Variants in KDM4C observed in about 807,000 individuals in gnomAD.
The protein encoded by KDM4C is lysine-specific demethylase 4C.
KDM4C carries 81 observed loss-of-function variants against 129.3 expected under a neutral mutation model. The ratio of observed to expected loss-of-function variants is 0.63; its 90% CI spans 0.52 to 0.75. The LOEUF is 0.75. KDM4C is among the 30% of genes least tolerant of loss of function. The pLI, the probability that KDM4C is intolerant of heterozygous loss-of-function variation, is 0.00. For missense variants in KDM4C, 1,457 were observed against 1,304.0 expected, an observed-to-expected ratio of 1.12 and a Z score of -1.81; for synonymous variants, 573 against 456.1, an observed-to-expected ratio of 1.26 and a Z score of -3.26.
chr9:6,993,360 T>G (rs1819097130), intron 12 of KDM4C, among the ~76,000 whole-genome samples: 1 of 152,188 alleles, frequency 6.6e-6, no homozygotes, highest in African/African-American at 2.4e-5. Context: ...GAAATGTTTT[T>G]CAGTTGCATG....
chr9:6,959,176 G>A (rs1440879208), intron 8 of KDM4C, among the ~76,000 whole-genome samples: 4 of 152,146 alleles, frequency 2.6e-5, no homozygotes, highest in South Asian at 4.1e-4. Context: ...AAAGAAGTAG[G>A]TGAGAAGAGG....
chr9:7,168,243 AT>A (rs1236574274), intron 20 of KDM4C, among the ~76,000 whole-genome samples: 14 of 150,558 alleles, frequency 9.3e-5, no homozygotes, highest in South Asian at 2.1e-4. Context: ...CAAACTCTAG[AT>A]TTTTTTTTTA....
At chr9:6,728,569 G>A (rs528421371) in intron 1 of KDM4C, among the ~76,000 whole-genome samples, 33 of 151,870 alleles carry the variant, frequency 2.2e-4, no homozygotes, top group African/African-American at 7.5e-4. Context: ...ATTCTTGGCC[G>A]GGCTCAGTGG....
At chr9:6,738,762 CTTTTCA>C (rs1171257448) in intron 1 of KDM4C, among the ~76,000 whole-genome samples, 1 of 150,746 alleles carries the variant, frequency 6.6e-6, no homozygotes, top group African/African-American at 2.4e-5. Flanking sequence ...CTTTTCTTTT[CTTTTCA>C]TTTTTTTTTT....
intron 8 of KDM4C, among the ~76,000 whole-genome samples, chr9:6,954,539 A>G (rs1053076701): frequency 3.2e-4 from 49 of 152,188 alleles, no homozygotes; most frequent in African/African-American, 1.1e-3. Flanking sequence ...CTGGGGACCA[A>G]GGAGAGGCCT....
intron 4 of KDM4C, among the ~76,000 whole-genome samples, chr9:6,846,257 C>T (rs1837840791): frequency 6.6e-6 from 1 of 152,178 alleles, no homozygotes. Context: ...TAATCATTAC[C>T]ATCTACTTCT....
chr9:6,741,014 A>G (rs1042159906), intron 1 of KDM4C, among the ~76,000 whole-genome samples: 8 of 143,418 alleles, frequency 5.6e-5, no homozygotes, highest in Non-Finnish European at 9.2e-5. Flanking sequence ...TAGTAGAGAT[A>G]GGGTTTCACT....
chr9:7,101,756 C>T (rs1445910242), intron 17 of KDM4C, among the ~76,000 whole-genome samples: 1 of 152,164 alleles, frequency 6.6e-6, no homozygotes, highest in African/African-American at 2.4e-5. Flanking sequence ...AGCTAAGTCA[C>T]AACACTGTCC....
At chr9:6,736,855 C>T (rs796810297) in intron 1 of KDM4C, among the ~76,000 whole-genome samples, 29 of 151,858 alleles carry the variant, frequency 1.9e-4, no homozygotes, top group African/African-American at 6.3e-4. Flanking sequence ...GTTCAAGACC[C>T]GCCGGGCCAC....
intron 19 of KDM4C, among the ~76,000 whole-genome samples, chr9:7,146,121 A>G (rs1437147170): frequency 6.6e-6 from 1 of 152,246 alleles, no homozygotes; most frequent in Non-Finnish European, 1.5e-5. Context: ...TAATGATGCA[A>G]TATAATAAAT....
intron 17 of KDM4C, among the ~76,000 whole-genome samples, chr9:7,064,234 A>T (rs559968892): frequency 6.6e-6 from 1 of 152,356 alleles, no homozygotes; most frequent in East Asian, 1.9e-4. Flanking sequence ...TCAAAGACTT[A>T]GTATGAAAAA....
intron 12 of KDM4C, among the ~76,000 whole-genome samples, chr9:6,993,161 A>G (rs1819055605): frequency 6.6e-6 from 1 of 152,178 alleles, no homozygotes; most frequent in East Asian, 1.9e-4. Flanking sequence ...ACAGCAAAAC[A>G]TGAAAGTTGG....
At chr9:6,854,541 A>AAC (rs1839449213) in intron 5 of KDM4C, among the ~76,000 whole-genome samples, 1 of 145,710 alleles carries the variant, frequency 6.9e-6, no homozygotes, top group South Asian at 2.1e-4. Context: ...AAAAAAAAAA[A>AAC]AAAACAAAAA....
intron 17 of KDM4C, among the ~76,000 whole-genome samples, chr9:7,050,573 A>G (rs1830022582): frequency 6.6e-6 from 1 of 152,132 alleles, no homozygotes; most frequent in Non-Finnish European, 1.5e-5. Flanking sequence ...AAATATTAAC[A>G]AATGTTAACA....
intron 1 of KDM4C, among the ~76,000 whole-genome samples, chr9:6,727,832 C>CAA (rs1233365408): frequency 6.7e-6 from 1 of 149,476 alleles, no homozygotes; most frequent in Non-Finnish European, 1.5e-5. Context: ...ACTGAAATCT[C>CAA]AATGTTCTCA....
intron 5 of KDM4C, among the ~76,000 whole-genome samples, chr9:6,870,406 G>A (rs1842668404): frequency 6.6e-6 from 1 of 152,036 alleles, no homozygotes; most frequent in African/African-American, 2.4e-5. Context: ...GATAGGTCTG[G>A]GGTTAGGTGC....
At chr9:6,800,443 G>A (rs1374929684) in intron 2 of KDM4C, among the ~76,000 whole-genome samples, 14 of 151,822 alleles carry the variant, frequency 9.2e-5, no homozygotes, top group Admixed American at 9.2e-4. Context: ...GGAGGCTGAG[G>A]TGGGAGGATT....
intron 15 of KDM4C, among the ~76,000 whole-genome samples, chr9:7,023,047 G>GC (rs926543874): frequency 3.3e-5 from 5 of 152,120 alleles, no homozygotes; most frequent in African/African-American, 1.2e-4. Flanking sequence ...AATTTGGTTT[G>GC]CTAGTATTTT....
At chr9:6,757,791 G>A, upstream of KDM4C, 1 of 985,524 alleles carries the variant, frequency 1.0e-6, no homozygotes, top group East Asian at 1.1e-4. Context: ...CGGAAAGAAT[G>A]GGATATGCCT....
Sources: gnomAD v4.1 joint callset for allele counts (sites outside exome capture counted in the v4.1 genomes callset) on GRCh38, gnomAD v4.1.1 for gene constraint, MANE v1.5 for transcripts, NCBI Gene and HGNC (gene_info 2026-07-23, HGNC 2026-07-21) for gene names.